The following USP13 variants were observed in gnomAD, a reference collection of about 807,000 sequenced individuals.
The protein encoded by USP13 is ubiquitin carboxyl-terminal hydrolase 13.
In USP13, 68 loss-of-function variants were observed where a neutral mutation model predicts 107.8. That is an observed-to-expected ratio of 0.63 (90% CI 0.52 to 0.77). The LOEUF (loss-of-function observed/expected upper bound fraction) is 0.77. USP13 is among the 30% of genes least tolerant of loss of function. The probability of loss-of-function intolerance (pLI) is 0.00; values close to 1 mark genes in which losing one functional copy is unlikely to be tolerated. For missense variants in USP13, 945 were observed against 1,093.3 expected (o/e 0.86, Z 1.91); for synonymous variants, 377 against 389.5 (o/e 0.97, Z 0.38).
At chr3:179,759,838 T>G (rs979827348) in intron 16 of USP13, among the ~76,000 whole-genome samples, 24 of 152,248 alleles carry the variant, frequency 1.6e-4, no homozygotes, top group Admixed American at 1.4e-3. Flanking sequence ...CACCCCCAGC[T>G]AACTTTTGTA....
rs768148729 is a variant in USP13, at chr3:179,690,290, A to G, written c.344A>G (p.Lys115Arg). The G allele has an allele frequency of 2.5e-6, 4 of 1,613,864 alleles. No individual in the cohort carries two copies. The African/African-American group carries it at 5.3e-5, about 22-fold the overall frequency. Residue 115 changes from lysine (K) to arginine (R), a missense_variant, in exon 3 of 21, where the codon AAG (lysine) becomes AGG (arginine). Lys to Arg is a conservative substitution (Grantham distance 26). Coordinates refer to ENST00000263966, the MANE Select transcript of USP13 (RefSeq NM_003940.3). ...GCGTTACCAAAAAGGAGGAATTCCA[A>G]GATTTTTTTAGGTAAATAGTTATCA... The part of the protein sequence containing the change: ...GGALPKRRNS[K>R]IFLDLDTDDD...
At chr3:179,765,996 TTTGAGACAGAG>T in intron 19 of USP13, 148 bp downstream of exon 19, 1 of 999,874 alleles carries the variant, frequency 1.0e-6, no homozygotes. Context: ...TTTTTTCTTT[TTTGAGACAGAG>T]TCTCACACTG....
intron 1 of USP13, among the ~76,000 whole-genome samples, chr3:179,657,326 G>C (rs996094113): frequency 1.3e-5 from 2 of 152,032 alleles, no homozygotes; most frequent in African/African-American, 4.8e-5. Flanking sequence ...GACAGGAGGT[G>C]GAGGTTGCAG....
At chr3:179,730,298 A>G in intron 9 of USP13, 38 bp downstream of exon 9, 1 of 1,590,488 alleles carries the variant, frequency 6.3e-7, no homozygotes, top group Non-Finnish European at 8.6e-7. Flanking sequence ...TTCTAGAAAA[A>G]GCATCCAATA....
chr3:179,664,371 G>A (rs919387289), intron 1 of USP13, among the ~76,000 whole-genome samples: 4 of 152,180 alleles, frequency 2.6e-5, no homozygotes, highest in African/African-American at 9.6e-5. Flanking sequence ...TGGGATTACA[G>A]GCATGAGCCA....
intron 11 of USP13, among the ~76,000 whole-genome samples, chr3:179,741,189 T>G (rs2108512374): frequency 6.6e-6 from 1 of 151,892 alleles, no homozygotes; most frequent in South Asian, 2.1e-4. Flanking sequence ...CCAGCCAGTG[T>G]TTTTTGTTTG....
At chr3:179,722,350 A>G (rs550363908) in intron 8 of USP13, among the ~76,000 whole-genome samples, 12 of 152,200 alleles carry the variant, frequency 7.9e-5, no homozygotes, top group Admixed American at 7.9e-4. Flanking sequence ...AGCTCCTTAT[A>G]CTGCTGGATG....
intron 13 of USP13, among the ~76,000 whole-genome samples, chr3:179,748,822 G>C (rs1009272116): frequency 6.6e-6 from 1 of 152,142 alleles, no homozygotes; most frequent in Non-Finnish European, 1.5e-5. Flanking sequence ...GCCCAGTCTA[G>C]AACTTATTGG....
chr3:179,745,104 T>C lies in USP13; in HGVS notation c.1596T>C (p.Pro532=). 1.2e-6 allele frequency: 2 copies of C among 1,614,110 alleles called. No homozygotes were observed. The highest frequency in any genetic ancestry group is 1.7e-6 in the Non-Finnish European group (2 of 1,180,008). Residue 532 remains proline, a synonymous_variant, in exon 13 of 21, where the codon CCT becomes CCC. Transcript: ENST00000263966. ...CAGAAGCAAACAGAAGACCCCTTCCTGAGTTGGTACGTGCCAAGATACCAT... is the reference window on the plus strand; with the variant it reads ...CAGAAGCAAACAGAAGACCCCTTCCCGAGTTGGTACGTGCCAAGATACCAT... ...REAEANRRPL[P]ELVRAKIPFS...
At chr3:179,728,653 C>T (rs1255251428) in intron 8 of USP13, among the ~76,000 whole-genome samples, 3 of 152,078 alleles carry the variant, frequency 2.0e-5, no homozygotes, top group Admixed American at 1.3e-4. Context: ...GATGTTGTAG[C>T]GAGCCGAGAT....
At chr3:179,709,497 G>T (rs1405348399) in intron 6 of USP13, among the ~76,000 whole-genome samples, 2 of 152,186 alleles carry the variant, frequency 1.3e-5, no homozygotes, top group Non-Finnish European at 2.9e-5. Context: ...ACATTCTCCG[G>T]GGGATTAGAA....
At chr3:179,718,771 C>CT (rs139916834) in intron 6 of USP13, among the ~76,000 whole-genome samples, 86 of 148,782 alleles carry the variant, frequency 5.8e-4, no homozygotes, top group African/African-American at 1.5e-3. Context: ...CTTTTCTTTT[C>CT]TTTTTTTTTT....
intron 2 of USP13, among the ~76,000 whole-genome samples, chr3:179,685,646 AAG>A (rs1491151707): frequency 6.4e-4 from 98 of 151,998 alleles, no homozygotes; most frequent in African/African-American, 2.3e-3. Context: ...AAAAAAAAAA[AAG>A]AAAGAAACAG....
At chr3:179,665,004 C>T (rs892547379) in intron 1 of USP13, among the ~76,000 whole-genome samples, 4 of 152,058 alleles carry the variant, frequency 2.6e-5, no homozygotes, top group African/African-American at 9.7e-5. Flanking sequence ...AGGAGAATCG[C>T]TTAAACCCAG....
intron 15 of USP13, 133 bp from the exon 16 acceptor site, chr3:179,756,918 AG>A: frequency 1.2e-6 from 1 of 832,518 alleles, no homozygotes. Flanking sequence ...CGTGTGGTTG[AG>A]GGATTGACAA....
At chr3:179,755,973 G>A (rs1227962258) in intron 15 of USP13, among the ~76,000 whole-genome samples, 1 of 152,130 alleles carries the variant, frequency 6.6e-6, no homozygotes, top group Non-Finnish European at 1.5e-5. Flanking sequence ...AGCAGAGAAG[G>A]GACATTCTAG....
chr3:179,746,784 G>C (rs7644743), intron 13 of USP13, among the ~76,000 whole-genome samples: 60,715 of 151,310 alleles, frequency 0.4, 13,189 homozygotes, highest in East Asian at 0.65. Context: ...AGGCTGATCT[G>C]GAACTCCTGA....
intron 19 of USP13, among the ~76,000 whole-genome samples, chr3:179,775,590 T>C (rs1031158468): frequency 3.9e-5 from 6 of 152,158 alleles, no homozygotes; most frequent in Non-Finnish European, 8.8e-5. Context: ...TCGGGGAGGC[T>C]TGGGCCATGC....
intron 19 of USP13, among the ~76,000 whole-genome samples, chr3:179,773,681 A>G (rs1463427364): frequency 1.3e-5 from 2 of 152,216 alleles, no homozygotes; most frequent in African/African-American, 4.8e-5. Flanking sequence ...GTTTAAAAAC[A>G]TTTGTGGAAC....
Sources: allele counts gnomAD v4.1 joint callset (sites outside exome capture counted in the v4.1 genomes callset), GRCh38; gene constraint gnomAD v4.1.1; transcripts MANE v1.5; gene names NCBI Gene and HGNC (gene_info 2026-07-23, HGNC 2026-07-21).